TAAR5: variants seen among roughly 807,000 people sequenced by gnomAD.
The protein encoded by TAAR5 is trace amine-associated receptor 5.
A neutral mutation model predicts 21.1 loss-of-function variants in TAAR5; 27 were observed. That is an observed-to-expected ratio of 1.28 (90% CI 0.94 to 1.76). The LOEUF is 1.76. Among genes scored for constraint, TAAR5 ranks in the 40% most tolerant of loss-of-function variants. The pLI is 0.00. For missense variants in TAAR5, 495 were observed against 405.6 expected, an observed-to-expected ratio of 1.22 and a Z score of -1.89; for synonymous variants, 203 against 167.5, an observed-to-expected ratio of 1.21 and a Z score of -1.64.
the TAAR5 span, among the ~76,000 whole-genome samples, chr6:132,597,374 CTA>C: frequency 6.6e-6 from 1 of 151,982 alleles, no homozygotes; most frequent in Non-Finnish European, 1.5e-5. Flanking sequence ...TTTCAAACTC[CTA>C]TCTTAAGCTC....
At chr6:132,609,564 A>C in the TAAR5 span, among the ~76,000 whole-genome samples, 1 of 152,164 alleles carries the variant, frequency 6.6e-6, no homozygotes, top group Admixed American at 6.6e-5. Flanking sequence ...TCTATCCAAC[A>C]TAGGTTTATC....
In TAAR5 at chr6:132,589,211, C is replaced by T; in HGVS notation, c.476G>A (p.Trp159Ter). Residue 159 changes from tryptophan (W) to a stop codon, truncating the protein, a stop_gained, in exon 1 of 1, where the codon TGG becomes TAG. Transcript: ENST00000258034. LOFTEE classifies it high-confidence loss of function. ...CGAAGTGTATGCTGCGGGCACCCCC[C>T]ATCCTGCCAGGATGTACCTGAGAGC... ...RVALRYILAG[W>*]GVPAAYTSLF... 1.9e-6 allele frequency: 3 copies of T among 1,605,372 alleles called. No homozygotes were observed. The highest frequency in any genetic ancestry group is 2.6e-6 in the Non-Finnish European group (3 of 1,175,578).
Position 132,589,552 on chromosome 6 carries a change from C to G in TAAR5, c.135G>C (p.Met45Ile). 6.2e-7 allele frequency: 1 copy of G among 1,613,994 alleles called. No homozygotes were observed. Among genetic ancestry groups the G allele is most frequent in the South Asian group, 1.1e-5 (1 of 91,074 alleles). ...ATACATTCCCTAGCACGATAATCAG[C>G]ATGCCTGCTGCACAGGCCAGGTAGA... ...LVIYLACAAG[M>I]LIIVLGNVFV... Residue 45 changes from methionine (M) to isoleucine (I), a missense_variant, in exon 1 of 1, where the codon ATG (methionine) becomes ATC (isoleucine). Transcript: ENST00000258034.
In TAAR5 at chr6:132,589,561, T is replaced by G; in HGVS notation, c.126A>C (p.Ala42=). The G allele has an allele frequency of 1.2e-6, 2 of 1,614,004 alleles. No individual in the cohort carries two copies. The highest frequency in any genetic ancestry group is 1.7e-6 in the Non-Finnish European group (2 of 1,179,962). The part of the protein sequence containing the change: ...GIQLVIYLAC[A]AGMLIIVLGN... Reference sequence around the variant, plus strand: ...CTAGCACGATAATCAGCATGCCTGCTGCACAGGCCAGGTAGATGACCAACT... The same window carrying G: ...CTAGCACGATAATCAGCATGCCTGCGGCACAGGCCAGGTAGATGACCAACT... The change falls in exon 1 of 1, where the codon GCA becomes GCC. Residue 42 remains alanine (A), a synonymous_variant. Transcript: ENST00000258034.
At chr6:132,613,239 A>C in the TAAR5 span, among the ~76,000 whole-genome samples, 1 of 152,208 alleles carries the variant, frequency 6.6e-6, no homozygotes, top group Non-Finnish European at 1.5e-5. Flanking sequence ...ACAAACTAAC[A>C]ATGTTCTTTT....
the TAAR5 span, chr6:132,609,185 T>C: frequency 0.1 from 36,534 of 360,922 alleles, 6,536 homozygotes; most frequent in African/African-American, 0.5. Flanking sequence ...CATTATCACC[T>C]GGACATGAAA....
At chr6:132,591,916 G>T (rs1228418451), upstream of TAAR5, among the ~76,000 whole-genome samples, 2 of 152,164 alleles carry the variant, frequency 1.3e-5, no homozygotes, top group African/African-American at 4.8e-5. Flanking sequence ...GAATATTAAT[G>T]AGTTAAAATT....
At chr6:132,600,907 G>A in the TAAR5 span, among the ~76,000 whole-genome samples, 5 of 93,598 alleles carry the variant, frequency 5.3e-5, no homozygotes, top group Admixed American at 2.7e-4. Context: ...GAGGGAAGGA[G>A]GGAAAGAAGG....
At chr6:132,598,502 T>G in the TAAR5 span, among the ~76,000 whole-genome samples, 1 of 152,228 alleles carries the variant, frequency 6.6e-6, no homozygotes, top group Non-Finnish European at 1.5e-5. Context: ...TACGGTTTCT[T>G]ACCAAGCAAA....
the TAAR5 span, among the ~76,000 whole-genome samples, chr6:132,598,338 G>A: frequency 2.0e-5 from 3 of 152,176 alleles, no homozygotes; most frequent in Non-Finnish European, 4.4e-5. Flanking sequence ...AGTATTTTAA[G>A]AGGGGTATCT....
the TAAR5 span, among the ~76,000 whole-genome samples, chr6:132,612,888 G>A: frequency 2.6e-5 from 4 of 152,088 alleles, no homozygotes; most frequent in Admixed American, 6.6e-5. Flanking sequence ...ATTACACAGG[G>A]GACTCTGCCA....
the TAAR5 span, among the ~76,000 whole-genome samples, chr6:132,601,591 T>C: frequency 6.6e-6 from 1 of 152,012 alleles, no homozygotes; most frequent in South Asian, 2.1e-4. Flanking sequence ...TAAAGAAACA[T>C]GTTTGTGGAT....
At chr6:132,613,566 G>C in the TAAR5 span, among the ~76,000 whole-genome samples, 1 of 152,154 alleles carries the variant, frequency 6.6e-6, no homozygotes, top group Non-Finnish European at 1.5e-5. Flanking sequence ...TCCTCCTCAA[G>C]TTTTAGTTTT....
chr6:132,589,009 A>C lies in TAAR5; in HGVS notation c.678T>G (p.Ala226=). 2 of 1,613,738 alleles carry C rather than the reference A, an allele frequency of 1.2e-6. No individual in the cohort carries two copies. The highest frequency in any genetic ancestry group is 1.7e-6 in the Non-Finnish European group (2 of 1,179,880). The part of the protein sequence containing the change: ...ISLYVKIFVV[A]TRQAQQITTL... The stretch of plus-strand genomic sequence containing the variant: ...TGGTAATCTGCTGAGCCTGTCTGGT[A>C]GCAACCACAAAGATCTTCACATACA... Residue 226 remains alanine, a synonymous_variant, in exon 1 of 1, where the codon GCT becomes GCG. Transcript: ENST00000258034.
At chr6:132,597,540 T>G in the TAAR5 span, among the ~76,000 whole-genome samples, 4 of 152,262 alleles carry the variant, frequency 2.6e-5, no homozygotes, top group African/African-American at 9.6e-5. Flanking sequence ...ATTTGGAGAT[T>G]CGCCTTCAGA....
At chr6:132,613,005 A>AATAC in the TAAR5 span, among the ~76,000 whole-genome samples, 2 of 152,284 alleles carry the variant, frequency 1.3e-5, no homozygotes, top group East Asian at 3.9e-4. Flanking sequence ...TATTGGGATG[A>AATAC]TTCTATAAGA....
At chr6:132,599,034 T>C in the TAAR5 span, among the ~76,000 whole-genome samples, 1 of 152,232 alleles carries the variant, frequency 6.6e-6, no homozygotes, top group East Asian at 1.9e-4. Context: ...AAGTCAGTGA[T>C]ATTCCTTCAT....
chr6:132,600,956 GGAGGGAAGGAGGGAAGGAGGGAAA>G, the TAAR5 span, among the ~76,000 whole-genome samples: 6 of 73,036 alleles, frequency 8.2e-5, no homozygotes, highest in African/African-American at 2.1e-4. Context: ...AAAGAAAGAA[GGAGGGAAGGAGGGAAGGAGGGAAA>G]GAAGGAAGGA....
the TAAR5 span, among the ~76,000 whole-genome samples, chr6:132,605,723 T>C: frequency 6.6e-6 from 1 of 152,130 alleles, no homozygotes; most frequent in Admixed American, 6.5e-5. Flanking sequence ...CATCACACAA[T>C]ATACCTATGT....
Sources: allele counts gnomAD v4.1 joint callset (sites outside exome capture counted in the v4.1 genomes callset), GRCh38; gene constraint gnomAD v4.1.1; transcripts MANE v1.5; gene names NCBI Gene and HGNC (gene_info 2026-07-23, HGNC 2026-07-21).